LMNTD1: variants seen among roughly 807,000 people sequenced by gnomAD.
LMNTD1 encodes the protein lamin tail domain-containing protein 1.
A neutral mutation model predicts 50.9 loss-of-function variants in LMNTD1; 35 were observed. The observed-to-expected ratio is 0.69, with a 90% confidence interval of 0.53 to 0.91. The LOEUF (loss-of-function observed/expected upper bound fraction) is 0.91. Among genes scored for constraint, LMNTD1 ranks in the 40% least tolerant of loss-of-function variants. LMNTD1 has a pLI of 0.00. For missense variants in LMNTD1, 470 were observed against 475.5 expected (o/e 0.99, Z 0.11); for synonymous variants, 153 against 161.9 (o/e 0.94, Z 0.42).
At chr12:25,516,654 CT>C (rs1940799171) in intron 8 of LMNTD1, among the ~76,000 whole-genome samples, 1 of 152,044 alleles carries the variant, frequency 6.6e-6, no homozygotes, top group Non-Finnish European at 1.5e-5. Flanking sequence ...AGAACCATAT[CT>C]TTACAGATGA....
chr12:25,486,869 T>C (rs1424259751), intron 9 of LMNTD1, among the ~76,000 whole-genome samples: 2 of 151,898 alleles, frequency 1.3e-5, no homozygotes, highest in African/African-American at 4.8e-5. Context: ...TTGATCATGT[T>C]GGATAAGCTT....
At chr12:25,527,472 G>A (rs1941816284) in intron 4 of LMNTD1, among the ~76,000 whole-genome samples, 1 of 150,682 alleles carries the variant, frequency 6.6e-6, no homozygotes, top group Non-Finnish European at 1.5e-5. Context: ...CAGGGACCAG[G>A]CTAATCATTT....
chr12:25,610,596 G>A (rs1946218348), intron 1 of LMNTD1, among the ~76,000 whole-genome samples: 1 of 152,154 alleles, frequency 6.6e-6, no homozygotes, highest in Non-Finnish European at 1.5e-5. Context: ...GAGGAGATGA[G>A]GAGATGATTA....
At chr12:25,612,097 A>G (rs140896198) in intron 1 of LMNTD1, among the ~76,000 whole-genome samples, 21 of 152,314 alleles carry the variant, frequency 1.4e-4, no homozygotes, top group African/African-American at 4.8e-4. Flanking sequence ...GTGTGTGTTC[A>G]GTGAAGTAGA....
intron 4 of LMNTD1, 95 bp downstream of exon 4, chr12:25,546,279 T>C: frequency 1.6e-6 from 1 of 607,978 alleles, no homozygotes; most frequent in Admixed American, 3.2e-5. Context: ...TTAGATAAAA[T>C]AATGCATATA....
At chr12:25,646,995 T>C (rs73080341) in intron 1 of LMNTD1, among the ~76,000 whole-genome samples, 5,256 of 152,330 alleles carry the variant, frequency 0.035, 126 homozygotes, top group Non-Finnish European at 0.056. Flanking sequence ...AGAATTAAAG[T>C]GGCAGACTTT....
chr12:25,513,156 G>C (rs547788503), intron 8 of LMNTD1, among the ~76,000 whole-genome samples: 1 of 152,300 alleles, frequency 6.6e-6, no homozygotes, highest in East Asian at 1.9e-4. Flanking sequence ...CAAAATGAAT[G>C]CTCAGTGGTG....
chr12:25,591,366 G>A (rs1234897865), intron 1 of LMNTD1, among the ~76,000 whole-genome samples: 2 of 152,226 alleles, frequency 1.3e-5, no homozygotes, highest in East Asian at 1.9e-4. Context: ...GGCTTTAGCA[G>A]CAGTACTCCA....
chr12:25,510,942 G>A (rs1455076660), intron 8 of LMNTD1, among the ~76,000 whole-genome samples: 1 of 152,118 alleles, frequency 6.6e-6, no homozygotes, highest in Non-Finnish European at 1.5e-5. Flanking sequence ...GCTTTGCTTG[G>A]TGAGTGTAAG....
chr12:25,490,998 C>T (rs989881597), intron 9 of LMNTD1, among the ~76,000 whole-genome samples: 1 of 152,228 alleles, frequency 6.6e-6, no homozygotes, highest in Non-Finnish European at 1.5e-5. Flanking sequence ...CAATAATTGA[C>T]TGAGGCAAAC....
At chr12:25,606,097 T>G (rs1268669470) in intron 1 of LMNTD1, among the ~76,000 whole-genome samples, 1 of 152,208 alleles carries the variant, frequency 6.6e-6, no homozygotes, top group African/African-American at 2.4e-5. Context: ...TTGAAGCAGT[T>G]GTGAATGGGA....
At chr12:25,537,779 T>C (rs1942717874) in intron 4 of LMNTD1, among the ~76,000 whole-genome samples, 1 of 152,124 alleles carries the variant, frequency 6.6e-6, no homozygotes, top group East Asian at 1.9e-4. Flanking sequence ...TACTCTGAGC[T>C]ATGGGAGGAC....
At chr12:25,647,718 G>A (rs891606630) in intron 1 of LMNTD1, among the ~76,000 whole-genome samples, 2 of 152,076 alleles carry the variant, frequency 1.3e-5, no homozygotes, top group Non-Finnish European at 2.9e-5. Flanking sequence ...TGAGTTCTCA[G>A]TACTATACAT....
chr12:25,538,532 T>G lies in LMNTD1; in HGVS notation c.491+7842A>C, dbSNP rs1942791529. Among the ~76,000 whole-genome samples, 6 of 139,396 alleles carry G rather than the reference T, an allele frequency of 4.3e-5. 1 individual carries two copies. The South Asian group carries it at 1.5e-3, about 34-fold the overall frequency. The allele number at this position is 139,396 out of a possible 152,430, so 91.4% of individuals were successfully genotyped here. A position where few individuals can be genotyped will look rare whatever the true frequency, so the allele number is the denominator to read the frequency against. On this transcript the variant is annotated intron_variant, in intron 4 of 9. Transcript: ENST00000458174. ...ATAGACAAGCAAATGCTGAGAGATTTTGTCACCACCAGGCCTGCCCTAAAA... is the reference window on the plus strand; with the variant it reads ...ATAGACAAGCAAATGCTGAGAGATTGTGTCACCACCAGGCCTGCCCTAAAA...
chr12:25,539,204 C>A (rs568335501), intron 4 of LMNTD1, among the ~76,000 whole-genome samples: 1 of 145,298 alleles, frequency 6.9e-6, no homozygotes, highest in East Asian at 2.2e-4. Context: ...GAATTGAACT[C>A]AGCTCTGCAC....
At chr12:25,600,711 T>C (rs925710588) in intron 1 of LMNTD1, among the ~76,000 whole-genome samples, 1 of 152,080 alleles carries the variant, frequency 6.6e-6, no homozygotes, top group East Asian at 1.9e-4. Context: ...TCAACATCAT[T>C]GCTCATCAGA....
At chr12:25,566,432 GT>G (rs1401454525) in intron 1 of LMNTD1, among the ~76,000 whole-genome samples, 4 of 152,198 alleles carry the variant, frequency 2.6e-5, no homozygotes. Context: ...GGAAGTGCAA[GT>G]ATCTTGTTTG....
At chr12:25,483,873 C>T (rs185884680) in intron 9 of LMNTD1, among the ~76,000 whole-genome samples, 8 of 151,906 alleles carry the variant, frequency 5.3e-5, no homozygotes, top group Admixed American at 3.9e-4. Context: ...CATTTAACTC[C>T]TTGGTTAAAA....
intron 1 of LMNTD1, among the ~76,000 whole-genome samples, chr12:25,603,269 T>G (rs990506082): frequency 1.3e-5 from 2 of 152,086 alleles, no homozygotes; most frequent in Admixed American, 6.6e-5. Flanking sequence ...ATAGGAATAT[T>G]GCAAAATGTT....
Sources: allele counts gnomAD v4.1 joint callset (sites outside exome capture counted in the v4.1 genomes callset), GRCh38; gene constraint gnomAD v4.1.1; transcripts MANE v1.5; gene names NCBI Gene and HGNC (gene_info 2026-07-23, HGNC 2026-07-21).